Variants in SORCS1 observed in about 807,000 individuals in gnomAD.
The protein encoded by SORCS1 is VPS10 domain-containing receptor SorCS1.
SORCS1 carries 60 observed loss-of-function variants against 146.1 expected under a neutral mutation model. The ratio of observed to expected loss-of-function variants is 0.41; its 90% confidence interval spans 0.33 to 0.51. SORCS1 has a LOEUF of 0.51. Among genes scored for constraint, SORCS1 ranks in the 20% least tolerant of loss-of-function variants. The pLI is 0.21. For synonymous variants in SORCS1, 637 were observed against 584.0 expected, an observed-to-expected ratio of 1.09 and a Z score of -1.31; for missense variants, 1,352 against 1,487.6, an observed-to-expected ratio of 0.91 and a Z score of 1.50.
intron 3 of SORCS1, among the ~76,000 whole-genome samples, chr10:106,784,799 G>A (rs1297946202): frequency 6.6e-6 from 1 of 152,148 alleles, no homozygotes; most frequent in African/African-American, 2.4e-5. Context: ...AAGAAACACA[G>A]GTGAGAAGGA....
intron 2 of SORCS1, among the ~76,000 whole-genome samples, chr10:106,874,165 T>C (rs1431341529): frequency 2.0e-5 from 3 of 152,162 alleles, no homozygotes; most frequent in Non-Finnish European, 2.9e-5. Context: ...GACCCCACAA[T>C]AGCAGTCAAC....
In SORCS1 at chr10:106,759,094, A is replaced by C. The variant is rs141227050; in HGVS notation, c.959+2494T>G. Among the ~76,000 whole-genome samples the C allele has an allele frequency of 1.2e-3, 188 of 152,324 alleles. 3 individuals are homozygous for C. Among genetic ancestry groups the C allele is most frequent in the African/African-American group, 4.5e-3 (186 of 41,588 alleles). On this transcript the variant is annotated intron_variant, in intron 5 of 25. Coordinates refer to ENST00000263054, the MANE Select transcript of SORCS1 (RefSeq NM_052918.5). ...GGCTTTCAACTCCCACAGGGGTTTT[A>C]GGGCAGTGTTTGAAAATGAGAAAGA...
intron 1 of SORCS1, among the ~76,000 whole-genome samples, chr10:106,994,734 A>C (rs556539342): frequency 6.6e-6 from 1 of 152,344 alleles, no homozygotes; most frequent in African/African-American, 2.4e-5. Context: ...AGGTTTAACA[A>C]CTCAGGATAT....
At chr10:106,618,030 T>A (rs1847492898) in intron 21 of SORCS1, 119 bp downstream of exon 21, 1 of 1,346,268 alleles carries the variant, frequency 7.4e-7, no homozygotes, top group African/African-American at 1.5e-5. Context: ...CTTTCTCAAC[T>A]ACTGCCCTCC....
chr10:107,163,877 C>A, intron 1 of SORCS1, 92 bp downstream of exon 1: 8 of 1,409,200 alleles, frequency 5.7e-6, no homozygotes, highest in Non-Finnish European at 6.7e-6. Context: ...GTCCAGAAAC[C>A]CTATTTCCCC....
At chr10:106,907,748 G>A (rs1951971755) in intron 2 of SORCS1, among the ~76,000 whole-genome samples, 1 of 152,036 alleles carries the variant, frequency 6.6e-6, no homozygotes, top group Non-Finnish European at 1.5e-5. Flanking sequence ...CCAACATGGA[G>A]AAAATCTGTC....
At chr10:106,964,905 T>C (rs1184107555) in intron 1 of SORCS1, among the ~76,000 whole-genome samples, 2 of 150,892 alleles carry the variant, frequency 1.3e-5, no homozygotes, top group Non-Finnish European at 2.9e-5. Flanking sequence ...TGAGCCACCA[T>C]GCCTGGCCAA....
chr10:106,931,798 T>C (rs2138598128), intron 2 of SORCS1, among the ~76,000 whole-genome samples: 1 of 152,334 alleles, frequency 6.6e-6, no homozygotes, highest in Middle Eastern at 3.4e-3. Context: ...TGTTCATTTT[T>C]CCTGCCTGCC....
intron 1 of SORCS1, among the ~76,000 whole-genome samples, chr10:107,004,551 T>C (rs1229974697): frequency 6.6e-6 from 1 of 152,156 alleles, no homozygotes; most frequent in South Asian, 2.1e-4. Flanking sequence ...CAGAACAGTA[T>C]GGAGGAAATG....
the SORCS1 span, among the ~76,000 whole-genome samples, chr10:107,174,060 T>C: frequency 6.6e-6 from 1 of 152,222 alleles, no homozygotes; most frequent in African/African-American, 2.4e-5. Context: ...ATTGTATGTA[T>C]AGATCAATCA....
chr10:106,928,254 G>C lies in SORCS1; in HGVS notation c.626+28259C>G, dbSNP rs541103314. Among the ~76,000 whole-genome samples, 73 of 152,360 alleles carry C rather than the reference G, an allele frequency of 4.8e-4. 1 individual carries two copies. In the East Asian group the frequency reaches 0.014, roughly 29 times the overall value. ...CAGGTCCCCAGCCCTGCCCCGCGAG[G>C]AGGCAGCTAAGGCCAGGCGAGAAAT... On this transcript the variant is annotated intron_variant, in intron 2 of 25. Coordinates refer to ENST00000263054, the MANE Select transcript of SORCS1 (RefSeq NM_052918.5).
intron 14 of SORCS1, among the ~76,000 whole-genome samples, 162 bp downstream of exon 14, chr10:106,674,887 A>C (rs993016630): frequency 1.4e-4 from 22 of 152,204 alleles, no homozygotes; most frequent in African/African-American, 4.8e-4. Flanking sequence ...AACCAAGAAA[A>C]TAGCTGCCCA....
chr10:106,880,311 C>G (rs1012861696), intron 2 of SORCS1, among the ~76,000 whole-genome samples: 2 of 152,156 alleles, frequency 1.3e-5, no homozygotes, highest in Admixed American at 1.3e-4. Flanking sequence ...GAAATAAAGA[C>G]TAGCTTTGGT....
chr10:106,879,042 CG>C (rs975131406), intron 2 of SORCS1, among the ~76,000 whole-genome samples: 4 of 150,560 alleles, frequency 2.7e-5, no homozygotes, highest in Non-Finnish European at 5.9e-5. Flanking sequence ...CCCAGCTACT[CG>C]GGGGGCTGAG....
chr10:106,934,991 C>T (rs1953636730), intron 2 of SORCS1, among the ~76,000 whole-genome samples: 1 of 151,980 alleles, frequency 6.6e-6, no homozygotes, highest in Non-Finnish European at 1.5e-5. Context: ...GATGGGTACA[C>T]TAAAATCTCA....
intron 24 of SORCS1, among the ~76,000 whole-genome samples, chr10:106,595,338 C>A (rs1699187328): frequency 6.6e-6 from 1 of 152,124 alleles, no homozygotes; most frequent in Non-Finnish European, 1.5e-5. Flanking sequence ...TGAAAAGATG[C>A]AGAATAGGAG....
chr10:106,604,052 G>A (rs1330141117), intron 23 of SORCS1, among the ~76,000 whole-genome samples: 1 of 152,166 alleles, frequency 6.6e-6, no homozygotes, highest in Non-Finnish European at 1.5e-5. Context: ...TTTGGATTGG[G>A]TTGATAAACT....
At chr10:106,735,773 C>T (rs900568063) in intron 5 of SORCS1, among the ~76,000 whole-genome samples, 1 of 152,138 alleles carries the variant, frequency 6.6e-6, no homozygotes, top group Non-Finnish European at 1.5e-5. Flanking sequence ...GTATTTGATC[C>T]TAAAAGCCAT....
chr10:106,719,702 C>T (rs537678204), intron 6 of SORCS1, among the ~76,000 whole-genome samples: 19 of 152,292 alleles, frequency 1.2e-4, no homozygotes, highest in Middle Eastern at 3.4e-3. Flanking sequence ...TGAGCCACTG[C>T]GCCCGGCCTC....
Sources: gnomAD v4.1 joint callset for allele counts (sites outside exome capture counted in the v4.1 genomes callset) on GRCh38, gnomAD v4.1.1 for gene constraint, MANE v1.5 for transcripts, NCBI Gene and HGNC (gene_info 2026-07-23, HGNC 2026-07-21) for gene names.